Variants in PDE11A observed in about 807,000 individuals in gnomAD.
PDE11A encodes the protein phosphodiesterase 11A.
A neutral mutation model predicts 100.5 loss-of-function variants in PDE11A; 100 were observed. The ratio of observed to expected loss-of-function variants is 1.00; its 90% CI spans 0.85 to 1.18. The LOEUF is 1.18. Among genes scored for constraint, PDE11A ranks in the 50% most tolerant of loss-of-function variants. The probability of loss-of-function intolerance (pLI) is 0.00; values close to 1 mark genes in which losing one functional copy is unlikely to be tolerated. For missense variants in PDE11A, 1,141 were observed against 1,152.6 expected (o/e 0.99, Z 0.15); for synonymous variants, 381 against 420.8 (o/e 0.91, Z 1.16).
chr2:178,035,549 C>G (rs2086602480), intron 1 of PDE11A, among the ~76,000 whole-genome samples: 1 of 152,122 alleles, frequency 6.6e-6, no homozygotes. Flanking sequence ...ATCCTGATAC[C>G]AAAACCTGGC....
intron 4 of PDE11A, among the ~76,000 whole-genome samples, chr2:177,879,373 C>T (rs1354769594): frequency 6.6e-6 from 1 of 152,188 alleles, no homozygotes; most frequent in Non-Finnish European, 1.5e-5. Flanking sequence ...ATCTTTGATA[C>T]ATGCTTGCTT....
intron 1 of PDE11A, among the ~76,000 whole-genome samples, chr2:178,049,972 A>G (rs555629291): frequency 4.6e-5 from 7 of 152,178 alleles, no homozygotes; most frequent in Admixed American, 2.0e-4. Context: ...AGACTTAAAC[A>G]TCCCTGTCTG....
chr2:177,871,471 C>A (rs1189370473), intron 5 of PDE11A, among the ~76,000 whole-genome samples: 2 of 151,484 alleles, frequency 1.3e-5, no homozygotes, highest in African/African-American at 4.9e-5. Flanking sequence ...CTGTCATGGC[C>A]AGAGGGAGAG....
At chr2:177,820,441 C>A in intron 6 of PDE11A, 146 bp from the exon 7 acceptor site, 2 of 623,052 alleles carry the variant, frequency 3.2e-6, no homozygotes, top group Non-Finnish European at 2.9e-6. Flanking sequence ...AATGCATAAA[C>A]TCACTCACCT....
chr2:177,804,434 T>C (rs1277347359), intron 9 of PDE11A, among the ~76,000 whole-genome samples: 4 of 151,928 alleles, frequency 2.6e-5, no homozygotes, highest in African/African-American at 9.7e-5. Flanking sequence ...AAACAACAGA[T>C]ATTGGCAAGG....
intron 12 of PDE11A, among the ~76,000 whole-genome samples, chr2:177,721,770 T>A (rs951996726): frequency 1.3e-5 from 2 of 152,126 alleles, no homozygotes; most frequent in Admixed American, 6.6e-5. Context: ...TGCTGCACAT[T>A]AATTGTGTAG....
intron 4 of PDE11A, among the ~76,000 whole-genome samples, chr2:177,891,858 A>C (rs749400360): frequency 1.3e-4 from 20 of 152,216 alleles, no homozygotes; most frequent in Non-Finnish European, 4.4e-5. Context: ...ACCCTAAAAT[A>C]TTTACTCTCT....
At chr2:177,959,181 C>T (rs754906109) in intron 2 of PDE11A, among the ~76,000 whole-genome samples, 1 of 152,146 alleles carries the variant, frequency 6.6e-6, no homozygotes, top group South Asian at 2.1e-4. Context: ...AGACATGTAA[C>T]AACCCTAAGA....
intron 16 of PDE11A, among the ~76,000 whole-genome samples, chr2:177,676,533 G>C (rs867928470): frequency 6.6e-6 from 1 of 151,852 alleles, no homozygotes; most frequent in Non-Finnish European, 1.5e-5. Context: ...ATGGCAGGGG[G>C]GTCCCCCCAC....
At chr2:177,673,736 G>A (rs2080722948) in intron 17 of PDE11A, among the ~76,000 whole-genome samples, 1 of 152,190 alleles carries the variant, frequency 6.6e-6, no homozygotes, top group African/African-American at 2.4e-5. Context: ...GTGATGAGAA[G>A]GGTAAACTCT....
At chr2:177,797,705 A>G (rs1009465495) in intron 9 of PDE11A, among the ~76,000 whole-genome samples, 12 of 152,222 alleles carry the variant, frequency 7.9e-5, no homozygotes, top group Non-Finnish European at 1.2e-4. Context: ...CAGGATCTCA[A>G]AGTACGTTCC....
intron 9 of PDE11A, among the ~76,000 whole-genome samples, chr2:177,785,824 A>T (rs1383861144): frequency 6.6e-6 from 1 of 152,156 alleles, no homozygotes; most frequent in East Asian, 1.9e-4. Flanking sequence ...GGCGGCAGCG[A>T]GGCTGGGGGA....
At chr2:178,025,594 C>T (rs1224717833) in intron 1 of PDE11A, among the ~76,000 whole-genome samples, 3 of 151,976 alleles carry the variant, frequency 2.0e-5, no homozygotes, top group Non-Finnish European at 4.4e-5. Context: ...AAAATGAAGA[C>T]CCACACCACA....
chr2:178,070,065 C>A (rs1288075003), intron 1 of PDE11A, among the ~76,000 whole-genome samples: 1 of 152,032 alleles, frequency 6.6e-6, no homozygotes, highest in African/African-American at 2.4e-5. Context: ...TAATTTGTGA[C>A]AAAATTTTTA....
intron 2 of PDE11A, among the ~76,000 whole-genome samples, chr2:177,942,573 T>G (rs2085357866): frequency 6.6e-6 from 1 of 152,126 alleles, no homozygotes; most frequent in African/African-American, 2.4e-5. Context: ...CAGCTAATTT[T>G]GTATTTTTAG....
intron 2 of PDE11A, among the ~76,000 whole-genome samples, chr2:177,986,742 A>C (rs1160000235): frequency 6.6e-6 from 1 of 151,946 alleles, no homozygotes; most frequent in Non-Finnish European, 1.5e-5. Context: ...GAGGCAGGAG[A>C]ATCGCTTGAA....
chr2:177,828,900 C>T (rs937585754), intron 6 of PDE11A, among the ~76,000 whole-genome samples: 2 of 151,786 alleles, frequency 1.3e-5, no homozygotes, highest in Admixed American at 1.3e-4. Context: ...ATTTAATAGC[C>T]TCTGACTATT....
chr2:178,073,075 G>A (rs1307549420), upstream of PDE11A: 1 of 985,230 alleles, frequency 1.0e-6, no homozygotes, highest in South Asian at 4.7e-5. Context: ...ATCCGTTAGC[G>A]TTTCGAGGAG....
chr2:178,057,443 C>T (rs2086912502), intron 1 of PDE11A, among the ~76,000 whole-genome samples: 1 of 152,158 alleles, frequency 6.6e-6, no homozygotes, highest in South Asian at 2.1e-4. Context: ...TGGCTCTTTA[C>T]ATACATTAAT....
Sources: allele counts gnomAD v4.1 joint callset (sites outside exome capture counted in the v4.1 genomes callset), GRCh38; gene constraint gnomAD v4.1.1; transcripts MANE v1.5; gene names NCBI Gene and HGNC (gene_info 2026-07-23, HGNC 2026-07-21).